The following ST3GAL1 variants were observed in gnomAD, a reference collection of about 807,000 sequenced individuals.
The protein encoded by ST3GAL1 is CMP-N-acetylneuraminate-beta-galactosamide-alpha-2,3-sialyltransferase 1.
A neutral mutation model predicts 34.1 loss-of-function variants in ST3GAL1; 16 were observed. That is an observed-to-expected ratio of 0.47 (90% CI 0.32 to 0.71). The LOEUF is 0.71. Ranked by LOEUF, ST3GAL1 falls within the 30% of genes least tolerant of loss-of-function variation. ST3GAL1 has a pLI of 0.04. For synonymous variants in ST3GAL1, 191 were observed against 184.7 expected, an observed-to-expected ratio of 1.03 and a Z score of -0.28; for missense variants, 353 against 447.4, an observed-to-expected ratio of 0.79 and a Z score of 1.90.
intron 1 of ST3GAL1, among the ~76,000 whole-genome samples, chr8:133,568,352 T>C (rs566304613): frequency 1.3e-5 from 2 of 152,316 alleles, no homozygotes; most frequent in Non-Finnish European, 2.9e-5. Context: ...TGGGCTCCTG[T>C]GACCAAATTA....
intron 1 of ST3GAL1, among the ~76,000 whole-genome samples, chr8:133,549,535 C>A (rs1331079387): frequency 1.3e-5 from 2 of 152,178 alleles, no homozygotes; most frequent in African/African-American, 4.8e-5. Flanking sequence ...GCCTAAGACT[C>A]TTCATGAAGC....
chr8:133,511,740 T>C (rs1563721227), intron 2 of ST3GAL1, among the ~76,000 whole-genome samples: 1 of 152,152 alleles, frequency 6.6e-6, no homozygotes, highest in Non-Finnish European at 1.5e-5. Context: ...ATAGGATAGA[T>C]GTATATATAA....
intron 2 of ST3GAL1, among the ~76,000 whole-genome samples, chr8:133,505,300 C>G (rs1001896727): frequency 2.6e-5 from 4 of 152,112 alleles, no homozygotes; most frequent in African/African-American, 9.7e-5. Flanking sequence ...AAGATAATGC[C>G]TCCCTCCAAG....
intron 2 of ST3GAL1, among the ~76,000 whole-genome samples, chr8:133,503,069 G>A (rs973671488): frequency 6.6e-6 from 1 of 152,200 alleles, no homozygotes; most frequent in African/African-American, 2.4e-5. Flanking sequence ...ACCTTAAACT[G>A]AGAAAATTCA....
At chr8:133,495,338 TCCCAGACGAGTGA>T (rs1168978633) in intron 3 of ST3GAL1, among the ~76,000 whole-genome samples, 4 of 152,298 alleles carry the variant, frequency 2.6e-5, no homozygotes, top group Non-Finnish European at 5.9e-5. Flanking sequence ...ACTACTGTGT[TCCCAGACGAGTGA>T]CCCTACACTC....
chr8:133,480,551 C>T lies in ST3GAL1; in HGVS notation c.-373-3951G>A, dbSNP rs576646667. On this transcript the variant is annotated intron_variant, in intron 3 of 9. Transcript: ENST00000522652. ...CTGTGCAGGCTGTTGGCAAAATTGA[C>T]GCTTTCAATACAGAGTGGCCACAAC... Among the ~76,000 whole-genome samples, 118 of 152,258 alleles carry T rather than the reference C, an allele frequency of 7.7e-4. 4 individuals carry two copies. In the South Asian group the frequency reaches 0.024, roughly 31 times the overall value.
chr8:133,540,836 G>GAGAGACATATAT (rs1818460453), intron 2 of ST3GAL1, among the ~76,000 whole-genome samples: 2 of 48,382 alleles, frequency 4.1e-5, no homozygotes, highest in Admixed American at 2.3e-4. Context: ...CATATATATA[G>GAGAGACATATAT]AGAGACATAT....
chr8:133,556,325 G>C lies in ST3GAL1; in HGVS notation c.-581-10399C>G, dbSNP rs529882186. Among the ~76,000 whole-genome samples the C allele has an allele frequency of 5.9e-5, 9 of 152,322 alleles. No homozygotes were observed. Among genetic ancestry groups the C allele is most frequent in the African/African-American group, 2.2e-4 (9 of 41,570 alleles). ...CAGATCTCACCACTGATCAACAGCA[G>C]GCCTGGTGACTCCAGAGCCTGTCTT... is the stretch of plus-strand genomic sequence containing the variant. On this transcript the variant is annotated intron_variant, in intron 1 of 9. Transcript: ENST00000522652. The surrounding 1 kb of genome is among the most constrained non-coding windows in gnomAD (Gnocchi z 8.9).
In ST3GAL1 at chr8:133,520,677, A is replaced by G. The variant is rs542199901; in HGVS notation, c.-428-21488T>C. 2.5e-4 allele frequency among the ~76,000 whole-genome samples: 38 copies of G among 152,200 alleles called. 1 individual carries two copies. The South Asian group carries it at 4.6e-3, about 18-fold the overall frequency. ...GCCTCAAAAAGTGCTCTTTCCTTCT[A>G]CTGCATACGTAATTCCCCTTTTCGG... On this transcript the variant is annotated intron_variant, in intron 2 of 9. Transcript: ENST00000522652.
chr8:133,489,008 C>T (rs548799447), intron 3 of ST3GAL1, among the ~76,000 whole-genome samples: 1 of 152,298 alleles, frequency 6.6e-6, no homozygotes, highest in African/African-American at 2.4e-5. Flanking sequence ...CCCTGTGGGA[C>T]AGCCAAGGGC....
At chr8:133,569,076 C>T (rs1410128417) in intron 1 of ST3GAL1, among the ~76,000 whole-genome samples, 2 of 152,208 alleles carry the variant, frequency 1.3e-5, no homozygotes, top group South Asian at 2.1e-4. Context: ...CCCTCCTCTG[C>T]CATCACTTCT....
chr8:133,460,104 TCA>T (rs895803620), intron 9 of ST3GAL1, among the ~76,000 whole-genome samples, 167 bp from the exon 10 acceptor site: 4 of 152,198 alleles, frequency 2.6e-5, no homozygotes, highest in African/African-American at 9.7e-5. Flanking sequence ...CCTGGAACTC[TCA>T]GAGTCTTGGT....
rs1457374826 is a variant in ST3GAL1 at position 133,459,660 on chromosome 8, C to G, written c.*104G>C. 4.8e-6 allele frequency: 7 copies of G among 1,447,362 alleles called. No homozygotes were observed. The highest frequency in any genetic ancestry group is 6.5e-6 in the Non-Finnish European group (7 of 1,076,666). 89.7% of individuals were successfully genotyped at this position (1,447,362 alleles called of 1,614,324 possible). A position where few individuals can be genotyped will look rare whatever the true frequency, so the allele number is the denominator to read the frequency against. Reference sequence around the variant, plus strand: ...CTGTGAGCGGTGCCCAGGCACACACCTGAGGCTGCCCCTCCAAGCTCCGGG... The same window carrying G: ...CTGTGAGCGGTGCCCAGGCACACACGTGAGGCTGCCCCTCCAAGCTCCGGG... On this transcript the variant is annotated 3_prime_UTR_variant, in exon 10 of 10. Transcript: ENST00000522652. The surrounding 1 kb of genome is among the most constrained non-coding windows in gnomAD (Gnocchi z 4.7).
intron 2 of ST3GAL1, among the ~76,000 whole-genome samples, chr8:133,533,865 GATA>G (rs1818226894): frequency 6.6e-6 from 1 of 152,226 alleles, no homozygotes; most frequent in African/African-American, 2.4e-5. Context: ...TGGTGTTTGT[GATA>G]ATGATGATGA....
chr8:133,482,494 A>G (rs907130896), intron 3 of ST3GAL1, among the ~76,000 whole-genome samples: 1 of 152,200 alleles, frequency 6.6e-6, no homozygotes, highest in African/African-American at 2.4e-5. Flanking sequence ...TGCAGGCTGG[A>G]AAGTTGCAGC....
intron 3 of ST3GAL1, among the ~76,000 whole-genome samples, chr8:133,493,337 G>T (rs140227698): frequency 5.3e-5 from 8 of 152,358 alleles, no homozygotes; most frequent in African/African-American, 1.9e-4. Context: ...ACGAAGACTG[G>T]AAGGGCAGGA....
At chr8:133,568,013 C>G (rs528394267) in intron 1 of ST3GAL1, among the ~76,000 whole-genome samples, 2 of 151,846 alleles carry the variant, frequency 1.3e-5, no homozygotes, top group African/African-American at 2.4e-5. Flanking sequence ...CTCCACCTCC[C>G]GGGTCCAAGT....
chr8:133,551,467 A>G (rs565071506), intron 1 of ST3GAL1, among the ~76,000 whole-genome samples: 2 of 151,322 alleles, frequency 1.3e-5, no homozygotes, highest in African/African-American at 4.9e-5. Context: ...GAAAAGAAAG[A>G]GAGAGAGAGA....
chr8:133,505,823 G>A (rs563086291), intron 2 of ST3GAL1, among the ~76,000 whole-genome samples: 31 of 151,958 alleles, frequency 2.0e-4, no homozygotes, highest in African/African-American at 6.8e-4. Flanking sequence ...GGCTAGTCTC[G>A]AACTCCTGAC....
Sources: gnomAD v4.1 joint callset for allele counts (sites outside exome capture counted in the v4.1 genomes callset) on GRCh38, gnomAD v4.1.1 for gene constraint, Gnocchi (gnomAD v3.1) non-coding constraint, MANE v1.5 for transcripts, NCBI Gene and HGNC (gene_info 2026-07-23, HGNC 2026-07-21) for gene names.